The following USP47 variants were observed in gnomAD, a reference collection of about 807,000 sequenced individuals.
The protein encoded by USP47 is ubiquitin carboxyl-terminal hydrolase 47.
Under a neutral mutation model 165.1 loss-of-function variants are expected in USP47, and 35 were observed. The ratio of observed to expected loss-of-function variants is 0.21; its 90% CI spans 0.16 to 0.28. The LOEUF is 0.28. USP47 is among the 10% of genes least tolerant of loss of function. The pLI, the probability that USP47 is intolerant of heterozygous loss-of-function variation, is 1.00. For synonymous variants in USP47, 531 were observed against 544.5 expected, an observed-to-expected ratio of 0.98 and a Z score of 0.35; for missense variants, 1,277 against 1,607.4, an observed-to-expected ratio of 0.79 and a Z score of 3.52.
At chr11:11,948,158 T>A in intron 21 of USP47, 38 bp downstream of exon 21, 1 of 1,569,536 alleles carries the variant, frequency 6.4e-7, no homozygotes. Flanking sequence ...AGAGTCTATT[T>A]TAAATGATAG....
intron 22 of USP47, 84 bp downstream of exon 22, chr11:11,948,642 A>G: frequency 7.4e-7 from 1 of 1,356,140 alleles, no homozygotes; most frequent in Non-Finnish European, 1.0e-6. Flanking sequence ...TAGTCATTTT[A>G]TTTCTCTGAA....
At chr11:11,923,703 T>C (rs1382709960) in intron 11 of USP47, among the ~76,000 whole-genome samples, 1 of 152,222 alleles carries the variant, frequency 6.6e-6, no homozygotes, top group African/African-American at 2.4e-5. Context: ...TATTTAAAAA[T>C]AGAGTTTTAC....
At chr11:11,877,660 A>G (rs1850523477) in intron 1 of USP47, among the ~76,000 whole-genome samples, 1 of 152,180 alleles carries the variant, frequency 6.6e-6, no homozygotes, top group Non-Finnish European at 1.5e-5. Flanking sequence ...ATGATGAGTT[A>G]GGAAAAGCTT....
intron 6 of USP47, among the ~76,000 whole-genome samples, 176 bp downstream of exon 6, chr11:11,903,036 CAA>C (rs1564872024): frequency 6.6e-6 from 1 of 152,106 alleles, no homozygotes; most frequent in Non-Finnish European, 1.5e-5. Context: ...ACAAACATGA[CAA>C]ATATTGTAGC....
At chr11:11,875,033 T>TTGTGTGTGTGTG (rs57342188) in intron 1 of USP47, among the ~76,000 whole-genome samples, 1 of 95,356 alleles carries the variant, frequency 1.0e-5, no homozygotes, top group Non-Finnish European at 2.3e-5. Context: ...AATTGACTTA[T>TTGTGTGTGTGTG]TGTGTGTGTG....
intron 1 of USP47, among the ~76,000 whole-genome samples, chr11:11,850,858 C>G (rs1848686443): frequency 6.6e-6 from 1 of 152,208 alleles, no homozygotes; most frequent in Admixed American, 6.5e-5. Context: ...AGCCTGCTTT[C>G]TGGTTCACAG....
At position 11,908,649 on chromosome 11, in the gene USP47, G is replaced by C. The variant is rs1177542659; in HGVS notation, c.969+3101G>C. Reference sequence around the variant, plus strand: ...GTTATTTTTATAATGAGTGCTGGGAGACTTCTGCAGTTTAAAAAATAAGCT... The same window carrying C: ...GTTATTTTTATAATGAGTGCTGGGACACTTCTGCAGTTTAAAAAATAAGCT... On this transcript the variant is annotated intron_variant, in intron 8 of 27. Transcript: ENST00000527733. Among the ~76,000 whole-genome samples, 3 of 151,968 alleles carry C rather than the reference G, an allele frequency of 2.0e-5. No homozygotes were observed. The East Asian group carries it at 5.8e-4, about 29-fold the overall frequency.
At chr11:11,844,758 C>T (rs924668699) in intron 1 of USP47, among the ~76,000 whole-genome samples, 1 of 151,594 alleles carries the variant, frequency 6.6e-6, no homozygotes, top group Non-Finnish European at 1.5e-5. Flanking sequence ...TATAGGGAAC[C>T]TCTGACCCCT....
At chr11:11,873,674 CTAATACTT>C in intron 1 of USP47, 2 of 430,878 alleles carry the variant, frequency 4.6e-6, no homozygotes, top group Non-Finnish European at 7.7e-6. Flanking sequence ...AGATGATGTA[CTAATACTT>C]TAATTAATAC....
chr11:11,933,716 T>C (rs1854845339), intron 15 of USP47, 115 bp from the exon 16 acceptor site: 1 of 664,822 alleles, frequency 1.5e-6, no homozygotes, highest in Admixed American at 2.8e-5. Flanking sequence ...AAGAGTGATC[T>C]CAATTATGTT....
intron 13 of USP47, 152 bp downstream of exon 13, chr11:11,930,272 G>A (rs1182590443): frequency 9.0e-6 from 6 of 663,482 alleles, no homozygotes; most frequent in African/African-American, 3.7e-5. Context: ...AATAAAGTTT[G>A]AACACTGACA....
chr11:11,893,415 T>C (rs916446114), intron 4 of USP47, among the ~76,000 whole-genome samples: 1 of 152,202 alleles, frequency 6.6e-6, no homozygotes, highest in African/African-American at 2.4e-5. Context: ...TAGTGTTACA[T>C]TGCAGATTGC....
chr11:11,879,612 C>T (rs1180008658), intron 1 of USP47, among the ~76,000 whole-genome samples: 2 of 152,054 alleles, frequency 1.3e-5, no homozygotes, highest in East Asian at 3.9e-4. Context: ...AGCTTGTCAG[C>T]CCCTGACACG....
At position 11,957,510 on chromosome 11, in the gene USP47, T is replaced by G. The variant is rs1376432581; in HGVS notation, c.*1335T>G. The G allele has an allele frequency of 1.3e-5, 2 of 152,678 alleles. No homozygotes were observed. Among genetic ancestry groups the G allele is most frequent in the African/African-American group, 4.8e-5 (2 of 41,472 alleles). 9.5% of individuals were successfully genotyped at this position (152,678 alleles called of 1,614,324 possible). ...ATGAACATGCCAATAAAACATTTGT[T>G]CATTCTGTTGTGTTATTTTAGTCAT... On this transcript the variant is annotated 3_prime_UTR_variant, in exon 28 of 28. Coordinates refer to ENST00000527733, the MANE Select transcript of USP47 (RefSeq NM_001282659.2).
intron 1 of USP47, among the ~76,000 whole-genome samples, chr11:11,870,727 A>G (rs1250712249): frequency 6.6e-6 from 1 of 152,182 alleles, no homozygotes; most frequent in Non-Finnish European, 1.5e-5. Context: ...GTTTCTGGTA[A>G]GAAAATTATC....
In USP47 at chr11:11,940,536, T is replaced by C; in HGVS notation, c.2301T>C (p.Phe767=). The C allele has an allele frequency of 6.2e-7, 1 of 1,611,570 alleles. No homozygotes were observed. Among genetic ancestry groups the C allele is most frequent in the Admixed American group, 1.7e-5 (1 of 59,818 alleles). ...SSKTLKAEGF[F]RSNKVFVESS... ...AAACCCTGAAAGCTGAAGGATTTTTTAGAAGTAACAAGGTATGTCATTTAC... is the reference window on the plus strand; with the variant it reads ...AAACCCTGAAAGCTGAAGGATTTTTCAGAAGTAACAAGGTATGTCATTTAC... The change falls in exon 19 of 28, where the codon TTT becomes TTC. Residue 767 remains phenylalanine, a synonymous_variant. Coordinates refer to ENST00000527733, the MANE Select transcript of USP47 (RefSeq NM_001282659.2).
chr11:11,889,305 T>A (rs1190502292), intron 3 of USP47, among the ~76,000 whole-genome samples: 1 of 152,094 alleles, frequency 6.6e-6, no homozygotes, highest in Non-Finnish European at 1.5e-5. Context: ...GAAAACCCCA[T>A]CGTCTTATGA....
intron 1 of USP47, among the ~76,000 whole-genome samples, chr11:11,855,130 A>G (rs1376019672): frequency 5.3e-5 from 8 of 152,194 alleles, no homozygotes; most frequent in Non-Finnish European, 7.4e-5. Context: ...ATTGGAACAC[A>G]TAACAAAGTG....
chr11:11,894,500 A>T (rs1851730420), intron 4 of USP47, among the ~76,000 whole-genome samples: 1 of 152,138 alleles, frequency 6.6e-6, no homozygotes, highest in Non-Finnish European at 1.5e-5. Context: ...ACTTCCCAAA[A>T]TGCTGATATA....
Sources: gnomAD v4.1 joint callset for allele counts (sites outside exome capture counted in the v4.1 genomes callset) on GRCh38, gnomAD v4.1.1 for gene constraint, MANE v1.5 for transcripts, NCBI Gene and HGNC (gene_info 2026-07-23, HGNC 2026-07-21) for gene names.